SLC13A3: variants seen among roughly 807,000 people sequenced by gnomAD.
SLC13A3 encodes the protein Na(+)/dicarboxylate cotransporter 3.
In SLC13A3, 40 loss-of-function variants were observed where a neutral mutation model predicts 59.0. The observed-to-expected ratio is 0.68, with a 90% CI of 0.53 to 0.88. The LOEUF (loss-of-function observed/expected upper bound fraction) is 0.88, where lower values mean the gene tolerates loss of function less well. SLC13A3 is among the 40% of genes least tolerant of loss of function. SLC13A3 has a pLI of 0.00. For missense variants in SLC13A3, 699 were observed against 783.2 expected, an observed-to-expected ratio of 0.89 and a Z score of 1.28; for synonymous variants, 317 against 330.3, an observed-to-expected ratio of 0.96 and a Z score of 0.44.
chr20:46,646,454 T>C (rs6017961), intron 1 of SLC13A3, among the ~76,000 whole-genome samples: 7,225 of 152,256 alleles, frequency 0.047, 509 homozygotes, highest in African/African-American at 0.16. Flanking sequence ...ATTGCTCTAA[T>C]TATAAACTCC....
upstream of SLC13A3, among the ~76,000 whole-genome samples, chr20:46,652,547 A>ATTTTTT (rs11471373): frequency 1.3e-3 from 158 of 117,780 alleles, 1 homozygote; most frequent in African/African-American, 4.7e-3. Flanking sequence ...TATCTGGCTA[A>ATTTTTT]TTTTTTTTTT....
rs527879806 is a variant in SLC13A3, at chr20:46,582,799, C to A, written c.1219+773G>T. 8 of 985,412 alleles carry A rather than the reference C, an allele frequency of 8.1e-6. No individual in the cohort carries two copies. In the African/African-American group the frequency reaches 1.4e-4, roughly 17 times the overall value. 61.0% of individuals were successfully genotyped at this position (985,412 alleles called of 1,614,324 possible). On this transcript the variant is annotated intron_variant, in intron 9 of 12. Transcript: ENST00000279027. Reference sequence around the variant, plus strand: ...TCCCTATTTCCTGACTCCGGAGGAGCTCATCCAACTGACCCAGGTGGCAGC... The same window carrying A: ...TCCCTATTTCCTGACTCCGGAGGAGATCATCCAACTGACCCAGGTGGCAGC...
chr20:46,575,500 G>A, intron 10 of SLC13A3, 73 bp downstream of exon 10: 16 of 828,018 alleles, frequency 1.9e-5, no homozygotes, highest in Non-Finnish European at 2.8e-5. Flanking sequence ...TCCTGGTGCT[G>A]CAGCCAGCAC....
At chr20:46,635,903 C>G (rs752253576) in intron 1 of SLC13A3, among the ~76,000 whole-genome samples, 23 of 152,176 alleles carry the variant, frequency 1.5e-4, no homozygotes, top group Non-Finnish European at 3.2e-4. Flanking sequence ...CATTAGCATG[C>G]TAAAAGACAC....
At chr20:46,624,574 G>C (rs1250608328) in intron 1 of SLC13A3, among the ~76,000 whole-genome samples, 1 of 152,214 alleles carries the variant, frequency 6.6e-6, no homozygotes, top group Non-Finnish European at 1.5e-5. Context: ...AGCTAGACAA[G>C]CTATTCCCAA....
chr20:46,604,960 G>T (rs2062423161), intron 3 of SLC13A3, among the ~76,000 whole-genome samples: 1 of 152,198 alleles, frequency 6.6e-6, no homozygotes, highest in Non-Finnish European at 1.5e-5. Context: ...TGCTGTGCAG[G>T]TGATTCCTTT....
At chr20:46,560,368 C>T (rs1020966323) in intron 12 of SLC13A3, among the ~76,000 whole-genome samples, 170 bp from the exon 13 acceptor site, 1 of 152,196 alleles carries the variant, frequency 6.6e-6, no homozygotes, top group Admixed American at 6.5e-5. Flanking sequence ...TCAATCTTTA[C>T]ACTACCCTAG....
At chr20:46,616,937 T>C (rs1167563278) in intron 1 of SLC13A3, among the ~76,000 whole-genome samples, 2 of 152,246 alleles carry the variant, frequency 1.3e-5, no homozygotes, top group Admixed American at 6.5e-5. Flanking sequence ...ACCTCTCCTC[T>C]TGAGTCTTGG....
intron 1 of SLC13A3, among the ~76,000 whole-genome samples, chr20:46,659,011 C>G (rs1031168391): frequency 6.6e-6 from 1 of 152,126 alleles, no homozygotes; most frequent in Non-Finnish European, 1.5e-5. Flanking sequence ...TATTGTATAT[C>G]TTTTCCACTT....
intron 9 of SLC13A3, among the ~76,000 whole-genome samples, chr20:46,578,564 T>A (rs1275081597): frequency 6.6e-6 from 1 of 151,910 alleles, no homozygotes; most frequent in Non-Finnish European, 1.5e-5. Context: ...TAATCCCAGC[T>A]ACTTGGGAGG....
At chr20:46,613,266 T>A (rs1053080449) in intron 2 of SLC13A3, among the ~76,000 whole-genome samples, 194 bp downstream of exon 2, 2 of 151,546 alleles carry the variant, frequency 1.3e-5, no homozygotes, top group Non-Finnish European at 1.5e-5. Context: ...TAGTGCTGTG[T>A]CTAGCATGCA....
upstream of SLC13A3, among the ~76,000 whole-genome samples, chr20:46,652,385 T>G (rs998523732): frequency 1.3e-5 from 2 of 151,878 alleles, no homozygotes; most frequent in African/African-American, 2.4e-5. Context: ...TTCTTATTTT[T>G]GGGTTTTTTT....
intron 1 of SLC13A3, 107 bp from the exon 2 acceptor site, chr20:46,613,832 AGGGGGAAGG>A: frequency 1.0e-6 from 1 of 962,406 alleles, no homozygotes. Context: ...CTGGGGGCAG[AGGGGGAAGG>A]AGGCCTGCGG....
intron 3 of SLC13A3, among the ~76,000 whole-genome samples, chr20:46,609,811 C>A (rs1194338293): frequency 2.0e-5 from 3 of 152,230 alleles, no homozygotes; most frequent in African/African-American, 7.2e-5. Flanking sequence ...CAACTTCCCA[C>A]ACCACAGAGA....
rs1317945055 is a variant in SLC13A3, at chr20:46,574,406, T to A, written c.1332+1167A>T. On this transcript the variant is annotated intron_variant, in intron 10 of 12. Coordinates refer to ENST00000279027, the MANE Select transcript of SLC13A3 (RefSeq NM_022829.6). ...CTGGTGTGGCGATTCAGTGAGATAA[T>A]CTGTGGTGACAGATGCTGGATGCTG... is the stretch of plus-strand genomic sequence containing the variant. Among the ~76,000 whole-genome samples, 3 of 152,192 alleles carry A rather than the reference T, an allele frequency of 2.0e-5. No individual in the cohort carries two copies. The East Asian group carries it at 5.8e-4, about 29-fold the overall frequency.
rs77233285 is a variant in SLC13A3, at chr20:46,559,332, G to A, written c.*690C>T. Reference sequence around the variant, plus strand: ...AGGAGAATCCTAAATCTCTTGGGTCGAGATGTCAGCTGCGGTTTCTAGAAC... The same window carrying A: ...AGGAGAATCCTAAATCTCTTGGGTCAAGATGTCAGCTGCGGTTTCTAGAAC... On this transcript the variant is annotated 3_prime_UTR_variant, in exon 13 of 13. Transcript: ENST00000279027. 0.038 allele frequency: 5,752 copies of A among 152,284 alleles called. 368 individuals are homozygous for A. The highest frequency in any genetic ancestry group is 0.13 in the African/African-American group (5,441 of 41,510). 9.4% of individuals were successfully genotyped at this position (152,284 alleles called of 1,614,324 possible). A position where few individuals can be genotyped will look rare whatever the true frequency, so the allele number is the denominator to read the frequency against.
At chr20:46,587,541 A>G (rs2062206756) in intron 8 of SLC13A3, among the ~76,000 whole-genome samples, 1 of 152,162 alleles carries the variant, frequency 6.6e-6, no homozygotes, top group Non-Finnish European at 1.5e-5. Context: ...TTCCCAGGGC[A>G]TCTCCACTGC....
At chr20:46,660,404 C>T (rs569225620) in intron 1 of SLC13A3, among the ~76,000 whole-genome samples, 1 of 152,268 alleles carries the variant, frequency 6.6e-6, no homozygotes, top group South Asian at 2.1e-4. Flanking sequence ...TTAAAGATCT[C>T]ATTCCATTGT....
At chr20:46,565,197 C>T (rs2061969175) in intron 11 of SLC13A3, among the ~76,000 whole-genome samples, 1 of 152,202 alleles carries the variant, frequency 6.6e-6, no homozygotes, top group Non-Finnish European at 1.5e-5. Context: ...GTCATGGTTT[C>T]ATTTTGCTAT....
Sources: gnomAD v4.1 joint callset for allele counts (sites outside exome capture counted in the v4.1 genomes callset) on GRCh38, gnomAD v4.1.1 for gene constraint, MANE v1.5 for transcripts, NCBI Gene and HGNC (gene_info 2026-07-23, HGNC 2026-07-21) for gene names.